ADCY4: variants seen among roughly 807,000 people sequenced by gnomAD.
ADCY4 encodes the protein adenylate cyclase type 4.
Under a neutral mutation model 125.5 loss-of-function variants are expected in ADCY4, and 111 were observed. The ratio of observed to expected loss-of-function variants is 0.88; its 90% CI spans 0.76 to 1.04. ADCY4 has a LOEUF of 1.04. ADCY4 is among the 50% of genes least tolerant of loss of function. The pLI, the probability that ADCY4 is intolerant of heterozygous loss-of-function variation, is 0.00. For synonymous variants in ADCY4, 576 were observed against 586.9 expected (o/e 0.98, Z 0.27); for missense variants, 1,256 against 1,382.9 (o/e 0.91, Z 1.46).
chr14:24,322,023 C>T (rs200877483), intron 20 of ADCY4, 43 bp downstream of exon 20: 2 of 1,578,274 alleles, frequency 1.3e-6, no homozygotes, highest in Non-Finnish European at 1.7e-6. Flanking sequence ...GAAATTAGGC[C>T]CTATGGCATC....
rs201088960 is a variant in ADCY4, at chr14:24,329,457, G to A, written c.1294C>T (p.Arg432Trp). ...CCTAGCTCCCGAAGGTAGGGGTCCC[G>A]ATGCTCCATGCCTGCGTCCTCCACA... ...YAVEDAGMEH[R>W]DPYLRELGEP... Residue 432 changes from arginine to tryptophan, a missense_variant, in exon 9 of 25, where the codon CGG becomes TGG. Transcript: ENST00000418030. 112 of 1,581,978 alleles carry A rather than the reference G, an allele frequency of 7.1e-5. No individual in the cohort carries two copies. Among genetic ancestry groups the A allele is most frequent in the Non-Finnish European group, 5.3e-5 (62 of 1,167,024 alleles).
Position 24,332,791 on chromosome 14 carries a change from C to T in ADCY4, c.357G>A (p.Gln119=). 1 of 1,548,854 alleles carries T rather than the reference C, an allele frequency of 6.5e-7. No homozygotes were observed. The highest frequency in any genetic ancestry group is 8.7e-7 in the Non-Finnish European group (1 of 1,143,470). The change falls in exon 2 of 25, where the codon CAG becomes CAA. Residue 119 remains glutamine (Q), a splice_region_variant and synonymous_variant. Coordinates refer to ENST00000418030, the MANE Select transcript of ADCY4 (RefSeq NM_001198568.2). ...FTGGVVSAWD[Q]VSYFLFVIFT... is the part of the protein sequence containing the mutation. ...CTGCCCCGCCTGCCGCCCCTCTCAC[C>T]TGGTCCCAGGCGCTCACCACGCCCC...
At chr14:24,330,108 G>A in intron 7 of ADCY4, 60 bp downstream of exon 7, 1 of 1,599,806 alleles carries the variant, frequency 6.3e-7, no homozygotes, top group Non-Finnish European at 8.5e-7. Context: ...ACTTCTGTCA[G>A]CTGCCTGCTG....
Position 24,331,271 on chromosome 14 carries a change from C to T in ADCY4, c.755G>A (p.Gly252Glu), listed in dbSNP as rs577365205. ...ATTGTTAGTGCTCTCTGGCCGTGAC[C>T]CCTGTCCTGCCTGCAGCCGTGCCAT... ...EIMARLQAGQ[G>E]SRPESTNNFH... Residue 252 changes from glycine (G) to glutamate (E), a missense_variant, in exon 5 of 25, where the codon GGG becomes GAG. Coordinates refer to ENST00000418030, the MANE Select transcript of ADCY4 (RefSeq NM_001198568.2). 6.2e-7 allele frequency: 1 copy of T among 1,614,190 alleles called. No individual in the cohort carries two copies. The highest frequency in any genetic ancestry group is 1.7e-5 in the Admixed American group (1 of 60,026).
In ADCY4 at chr14:24,332,898, G is replaced by A. The variant is rs1295995215; in HGVS notation, c.250C>T (p.Arg84Ter). The change falls in exon 2 of 25, where the codon CGA (arginine) becomes TGA (stop). Residue 84 changes from arginine (R) to a stop codon, truncating the protein, a stop_gained. Transcript: ENST00000418030. LOFTEE classifies it high-confidence loss of function. ...LLLGLASREQ[R>*]LQRWTRPLSG... ...AGGGGACGCGTCCAGCGCTGCAGTCGCTGCTCCCGGGAAGCGAGGCCCAGC... is the reference window on the plus strand; with the variant it reads ...AGGGGACGCGTCCAGCGCTGCAGTCACTGCTCCCGGGAAGCGAGGCCCAGC... 8.7e-6 allele frequency: 14 copies of A among 1,605,358 alleles called. No individual in the cohort carries two copies. The highest frequency in any genetic ancestry group is 1.1e-5 in the Non-Finnish European group (13 of 1,175,490).
chr14:24,332,842 C>G lies in ADCY4; in HGVS notation c.306G>C (p.Ala102=), dbSNP rs757720725. The G allele has an allele frequency of 1.9e-6, 3 of 1,592,046 alleles. No individual in the cohort carries two copies. The highest frequency in any genetic ancestry group is 2.6e-6 in the Non-Finnish European group (3 of 1,167,686). ...CGGTGAACAGGAAGGCGTGGCCTAG[C>G]GCTAGCAGCGCGACCCATACCAAGC... ...LSGLVWVALL[A]LGHAFLFTGG... The change falls in exon 2 of 25, where the codon GCG becomes GCC. Residue 102 remains alanine (A), a synonymous_variant. Transcript: ENST00000418030.
At position 24,325,457 on chromosome 14, in the gene ADCY4, G is replaced by C; in HGVS notation, c.1743C>G (p.Ile581Met). 2 of 1,613,828 alleles carry C rather than the reference G, an allele frequency of 1.2e-6. No homozygotes were observed. Among genetic ancestry groups the C allele is most frequent in the Non-Finnish European group, 8.5e-7 (1 of 1,179,928 alleles). ...AGGCTTCATAGTATTTGAAGGCGGG[G>C]ATTGCAGAGAGTCGGTACTGAAAGT... is the stretch of plus-strand genomic sequence containing the variant. Reference protein sequence around the residue: ...EMEKEYRLSAIPAFKYYEACT... With the variant: ...EMEKEYRLSAMPAFKYYEACT... Residue 581 changes from isoleucine to methionine, a missense_variant, in exon 14 of 25, where the codon ATC (isoleucine) becomes ATG (methionine). Transcript: ENST00000418030.
intron 23 of ADCY4, 79 bp from the exon 24 acceptor site, chr14:24,318,857 GA>G: frequency 6.3e-7 from 1 of 1,593,408 alleles, no homozygotes; most frequent in African/African-American, 1.3e-5. Flanking sequence ...AAGGAAGGGA[GA>G]AGAGCCTGGG....
At chr14:24,325,545 G>A in intron 13 of ADCY4, 71 bp from the exon 14 acceptor site, 1 of 1,358,992 alleles carries the variant, frequency 7.4e-7, no homozygotes, top group South Asian at 1.2e-5. Context: ...ATCACTCCCA[G>A]GCAAGGGGTG....
At chr14:24,333,453 C>G (rs1040870416) in intron 1 of ADCY4, among the ~76,000 whole-genome samples, 7 of 151,966 alleles carry the variant, frequency 4.6e-5, no homozygotes, top group African/African-American at 1.2e-4. Flanking sequence ...TGGTCTCGAG[C>G]TCCTGGGCTC....
chr14:24,319,141 G>T lies in ADCY4; in HGVS notation c.2913C>A (p.Asp971Glu). 6.2e-7 allele frequency: 1 copy of T among 1,613,998 alleles called. No individual in the cohort carries two copies. Among genetic ancestry groups the T allele is most frequent in the Non-Finnish European group, 8.5e-7 (1 of 1,180,016 alleles). ...EFAVALGSKL[D>E]VINKHSFNNF... ...TGTTGAATGAATGCTTGTTGATGAC[G>T]TCCAGCTTAGACCCCAGGGCCACGG... Residue 971 changes from aspartate (D) to glutamate (E), a missense_variant, in exon 23 of 25, where the codon GAC becomes GAA. Transcript: ENST00000418030. This position sits in a 1 kb window ranked among gnomAD's most constrained non-coding sequence, Gnocchi z 4.5.
chr14:24,324,806 C>A (rs1003434562), intron 14 of ADCY4, among the ~76,000 whole-genome samples: 1 of 151,860 alleles, frequency 6.6e-6, no homozygotes, highest in Non-Finnish European at 1.5e-5. Flanking sequence ...CGGGTTTGAG[C>A]GATTCTCCTG....
intron 16 of ADCY4, chr14:24,323,710 C>T: frequency 2.2e-6 from 3 of 1,348,764 alleles, no homozygotes; most frequent in Non-Finnish European, 2.9e-6. Flanking sequence ...CCTCTCTGGG[C>T]CTTAGTTTCT....
chr14:24,334,420 A>G, intron 1 of ADCY4, 74 bp downstream of exon 1: 2 of 1,464,432 alleles, frequency 1.4e-6, no homozygotes, highest in Non-Finnish European at 1.8e-6. Context: ...CACATCGAAA[A>G]GAAGACCCCA....
rs2041828187 is a variant in ADCY4, at chr14:24,319,970, A to G, written c.2587-82T>C. 3 of 1,498,424 alleles carry G rather than the reference A, an allele frequency of 2.0e-6. No individual in the cohort carries two copies. The highest frequency in any genetic ancestry group is 2.7e-6 in the Non-Finnish European group (3 of 1,105,390). The allele number at this position is 1,498,424 out of a possible 1,614,324, so 92.8% of individuals were successfully genotyped here. The stretch of plus-strand genomic sequence containing the variant: ...AGGTCTGCGTGGGGCCCTCCTCCCC[A>G]TGTCCACACTCCTGGTCTCCCTGTT... On this transcript the variant is annotated intron_variant, in intron 20 of 24. Transcript: ENST00000418030. The surrounding 1 kb of genome is among the most constrained non-coding windows in gnomAD (Gnocchi z 4.5).
chr14:24,332,533 G>A lies in ADCY4; in HGVS notation c.508C>T (p.Leu170=), dbSNP rs373003354. ...ACTTGCGTGCTCACCTGCGGCAGCA[G>A]TGCAGGCCGTGAGTCCGGCTGTGGC... ...LGPQPDSRPA[L]LPQLAANAVL... is the part of the protein sequence containing the mutation. The change falls in exon 3 of 25, where the codon CTG becomes TTG. Residue 170 remains leucine, a synonymous_variant. Coordinates refer to ENST00000418030, the MANE Select transcript of ADCY4 (RefSeq NM_001198568.2). 3.4e-5 allele frequency: 53 copies of A among 1,567,978 alleles called. No homozygotes were observed. The African/African-American group carries it at 7.0e-4, about 21-fold the overall frequency.
chr14:24,324,469 G>T, intron 14 of ADCY4, 78 bp from the exon 15 acceptor site: 1 of 1,488,630 alleles, frequency 6.7e-7, no homozygotes, highest in South Asian at 1.2e-5. Context: ...TGTGAGCTGG[G>T]TGGGAGATAG....
chr14:24,331,464 G>T, intron 4 of ADCY4, 108 bp from the exon 5 acceptor site: 2 of 1,486,720 alleles, frequency 1.3e-6, no homozygotes, highest in Non-Finnish European at 1.8e-6. Flanking sequence ...TGCTCCCCAG[G>T]GTGCTCCCCC....
In ADCY4 at chr14:24,329,501, A is replaced by G; in HGVS notation, c.1250T>C (p.Leu417Pro). ...RVHITGATLA[L>P]LAGAYAVEDA... ...CTCCACAGCATAAGCCCCTGCCAGC[A>G]GGGCCAGGGTAGCCCCTGTGATGTG... is the stretch of plus-strand genomic sequence containing the variant. Residue 417 changes from leucine (L) to proline (P), a missense_variant, in exon 9 of 25, where the codon CTG becomes CCG. Physicochemically the swap from Leu to Pro is moderately conservative, Grantham distance 98. Transcript: ENST00000418030. 1 of 1,562,944 alleles carries G rather than the reference A, an allele frequency of 6.4e-7. No individual in the cohort carries two copies. The highest frequency in any genetic ancestry group is 8.6e-7 in the Non-Finnish European group (1 of 1,157,830).
Sources: gnomAD v4.1 joint callset for allele counts (sites outside exome capture counted in the v4.1 genomes callset) on GRCh38, gnomAD v4.1.1 for gene constraint, Gnocchi (gnomAD v3.1) non-coding constraint, MANE v1.5 for transcripts, NCBI Gene and HGNC (gene_info 2026-07-23, HGNC 2026-07-21) for gene names.